Variants in BRAP observed in about 807,000 individuals in gnomAD.
The protein encoded by BRAP is BRCA1 associated protein.
Under a neutral mutation model 73.4 loss-of-function variants are expected in BRAP, and 42 were observed. The ratio of observed to expected loss-of-function variants is 0.57; its 90% CI spans 0.45 to 0.74. The LOEUF (loss-of-function observed/expected upper bound fraction) is 0.74, where lower values mean the gene tolerates loss of function less well. Among genes scored for constraint, BRAP ranks in the 30% least tolerant of loss-of-function variants. The probability of loss-of-function intolerance (pLI) is 0.00; values close to 1 mark genes in which losing one functional copy is unlikely to be tolerated. For synonymous variants in BRAP, 255 were observed against 267.4 expected (o/e 0.95, Z 0.45); for missense variants, 593 against 751.4 (o/e 0.79, Z 2.46).
intron 5 of BRAP, among the ~76,000 whole-genome samples, chr12:111,668,209 T>C (rs1887031292): frequency 6.6e-6 from 1 of 151,922 alleles, no homozygotes; most frequent in Non-Finnish European, 1.5e-5. Context: ...TCCGTCTGGG[T>C]CGGGGCGGGG....
chr12:111,668,780 C>T (rs1020310847), intron 5 of BRAP, among the ~76,000 whole-genome samples: 2 of 151,992 alleles, frequency 1.3e-5, no homozygotes, highest in Non-Finnish European at 2.9e-5. Flanking sequence ...CCTCAGCCTC[C>T]CGAGTAGCTG....
chr12:111,678,635 C>T (rs112441201), intron 4 of BRAP, among the ~76,000 whole-genome samples: 262 of 150,906 alleles, frequency 1.7e-3, no homozygotes, highest in African/African-American at 5.9e-3. Flanking sequence ...CCAGCCTGGG[C>T]GACAGAGCGA....
At chr12:111,661,338 G>A (rs796381543) in intron 6 of BRAP, among the ~76,000 whole-genome samples, 8 of 147,702 alleles carry the variant, frequency 5.4e-5, no homozygotes, top group African/African-American at 7.6e-5. Flanking sequence ...GGAGTGCAAC[G>A]GCATAGTATC....
chr12:111,651,411 G>A lies in BRAP; in HGVS notation c.1312-1369C>T, dbSNP rs965336232. Among the ~76,000 whole-genome samples, 34 of 151,582 alleles carry A rather than the reference G, an allele frequency of 2.2e-4. 1 individual carries two copies. Among genetic ancestry groups the A allele is most frequent in the African/African-American group, 5.8e-4 (24 of 41,398 alleles). On this transcript the variant is annotated intron_variant, in intron 10 of 11. Transcript: ENST00000419234. ...ACATTAGTCGGGCACAGTGGCAGGC[G>A]CCTGTAATCCCAGCTACTCAGGAGG... is the stretch of plus-strand genomic sequence containing the variant.
chr12:111,660,683 G>A lies in BRAP; in HGVS notation c.897-8C>T. ...TACCGGCAAACAGGACACCTATCCA[G>A]GACACCAAAAGATAATGGTGCAGGT... On this transcript the variant is annotated splice_region_variant and splice_polypyrimidine_tract_variant and intron_variant, in intron 6 of 11. Coordinates refer to ENST00000419234, the MANE Select transcript of BRAP (RefSeq NM_006768.5). 1 of 1,595,786 alleles carries A rather than the reference G, an allele frequency of 6.3e-7. No homozygotes were observed. The highest frequency in any genetic ancestry group is 8.5e-7 in the Non-Finnish European group (1 of 1,172,510).
At chr12:111,666,534 G>A (rs1455047730) in intron 5 of BRAP, among the ~76,000 whole-genome samples, 4 of 152,200 alleles carry the variant, frequency 2.6e-5, no homozygotes, top group Middle Eastern at 3.4e-3. Flanking sequence ...AAACAGATAC[G>A]TTAAGTCCAA....
At chr12:111,669,307 G>A (rs1887080554) in intron 5 of BRAP, among the ~76,000 whole-genome samples, 1 of 151,004 alleles carries the variant, frequency 6.6e-6, no homozygotes, top group Non-Finnish European at 1.5e-5. Context: ...TTGGCTCACC[G>A]CAACCTCTGC....
chr12:111,675,162 G>A (rs1282747045), intron 4 of BRAP, among the ~76,000 whole-genome samples: 2 of 152,000 alleles, frequency 1.3e-5, no homozygotes, highest in African/African-American at 2.4e-5. Context: ...TTGGGAGGCT[G>A]AGGTGGGAGG....
At chr12:111,681,932 G>A in intron 2 of BRAP, 97 bp from the exon 3 acceptor site, 1 of 1,164,734 alleles carries the variant, frequency 8.6e-7, no homozygotes, top group Non-Finnish European at 1.2e-6. Flanking sequence ...AATAAACTTT[G>A]ATAGAGTAAT....
At chr12:111,659,422 G>C in intron 7 of BRAP, 77 bp from the exon 8 acceptor site, 1 of 1,402,440 alleles carries the variant, frequency 7.1e-7, no homozygotes, top group Non-Finnish European at 9.7e-7. Flanking sequence ...CGGAGGCCGA[G>C]GCAGATGGAT....
intron 1 of BRAP, among the ~76,000 whole-genome samples, chr12:111,683,738 A>G (rs1274895717): frequency 1.3e-5 from 2 of 152,030 alleles, no homozygotes; most frequent in African/African-American, 4.8e-5. Context: ...ATGGGGCTTC[A>G]CCATGTTGGA....
intron 10 of BRAP, among the ~76,000 whole-genome samples, chr12:111,654,362 C>G (rs1179614077): frequency 6.6e-6 from 1 of 151,196 alleles, no homozygotes; most frequent in African/African-American, 2.4e-5. Flanking sequence ...GTTGCTCAGG[C>G]TGGAGTGCAG....
In BRAP at chr12:111,644,566, T is replaced by C. The variant is rs768788339; in HGVS notation, c.1416-4A>G. 6 of 1,607,514 alleles carry C rather than the reference T, an allele frequency of 3.7e-6. No individual in the cohort carries two copies. The highest frequency in any genetic ancestry group is 2.6e-6 in the Non-Finnish European group (3 of 1,175,046). ...TTTTGTGTTTAGCTGAGTGCACCTT[T>C]TGAAAAACAAAGGAAGACAAAAGCA... On this transcript the variant is annotated splice_region_variant and splice_polypyrimidine_tract_variant and intron_variant, in intron 11 of 11. Transcript: ENST00000419234.
At chr12:111,660,147 C>T (rs1886691941) in intron 7 of BRAP, among the ~76,000 whole-genome samples, 1 of 150,486 alleles carries the variant, frequency 6.6e-6, no homozygotes, top group Non-Finnish European at 1.5e-5. Flanking sequence ...GTTTAAAACC[C>T]AACAATCAAG....
At chr12:111,658,072 G>A (rs1420406812) in intron 9 of BRAP, among the ~76,000 whole-genome samples, 1 of 151,508 alleles carries the variant, frequency 6.6e-6, no homozygotes, top group Non-Finnish European at 1.5e-5. Flanking sequence ...CCAAGTAGCT[G>A]GGATTACAGA....
At chr12:111,645,163 G>A (rs1886063485) in intron 11 of BRAP, among the ~76,000 whole-genome samples, 1 of 151,830 alleles carries the variant, frequency 6.6e-6, no homozygotes, top group African/African-American at 2.4e-5. Flanking sequence ...CTGCCGCTTG[G>A]GTTCAAGCGA....
chr12:111,652,955 C>A (rs758406065), intron 10 of BRAP, among the ~76,000 whole-genome samples: 1 of 152,164 alleles, frequency 6.6e-6, no homozygotes, highest in Non-Finnish European at 1.5e-5. Flanking sequence ...ATGATCCGCC[C>A]GCCTTGGTCT....
chr12:111,665,934 C>T lies in BRAP; in HGVS notation c.748-147G>A. On this transcript the variant is annotated intron_variant, in intron 5 of 11. Coordinates refer to ENST00000419234, the MANE Select transcript of BRAP (RefSeq NM_006768.5). The surrounding 1 kb of genome is among the most constrained non-coding windows in gnomAD (Gnocchi z 4.3). ...CATGGCTCATTACAGCCTTGACCTCCCAGGCTCAAGAGATCTGCCCACCTC... is the reference window on the plus strand; with the variant it reads ...CATGGCTCATTACAGCCTTGACCTCTCAGGCTCAAGAGATCTGCCCACCTC... 1 of 1,145,772 alleles carries T rather than the reference C, an allele frequency of 8.7e-7. No individual in the cohort carries two copies. The highest frequency in any genetic ancestry group is 1.2e-6 in the Non-Finnish European group (1 of 817,168). The allele number at this position is 1,145,772 out of a possible 1,614,324, so 71.0% of individuals were successfully genotyped here.
intron 11 of BRAP, among the ~76,000 whole-genome samples, chr12:111,649,522 C>G (rs1447614735): frequency 3.3e-5 from 5 of 152,248 alleles, no homozygotes; most frequent in African/African-American, 1.2e-4. Flanking sequence ...CCATGCTGTT[C>G]ATGAGTTTTT....
Sources: allele counts gnomAD v4.1 joint callset (sites outside exome capture counted in the v4.1 genomes callset), GRCh38; gene constraint gnomAD v4.1.1; non-coding constraint Gnocchi (gnomAD v3.1); transcripts MANE v1.5; gene names NCBI Gene and HGNC (gene_info 2026-07-23, HGNC 2026-07-21).